The following PLA2G4A variants were observed in gnomAD, a reference collection of about 807,000 sequenced individuals.
PLA2G4A encodes the protein phospholipase A2 group IVA.
In PLA2G4A, 40 loss-of-function variants were observed where a neutral mutation model predicts 81.9. That is an observed-to-expected ratio of 0.49 (90% confidence interval 0.38 to 0.64). PLA2G4A has a LOEUF of 0.64. Ranked by LOEUF, PLA2G4A falls within the 30% of genes least tolerant of loss-of-function variation. The pLI, the probability that PLA2G4A is intolerant of heterozygous loss-of-function variation, is 0.00. For synonymous variants in PLA2G4A, 302 were observed against 296.9 expected (o/e 1.02, Z -0.18); for missense variants, 715 against 905.1 (o/e 0.79, Z 2.69).
At chr1:186,899,159 G>A (rs912249557) in intron 5 of PLA2G4A, among the ~76,000 whole-genome samples, 3 of 152,198 alleles carry the variant, frequency 2.0e-5, no homozygotes, top group Non-Finnish European at 4.4e-5. Context: ...GTGTAAAGGG[G>A]TCACAAAGGC....
chr1:186,920,077 T>G (rs1209686667), intron 7 of PLA2G4A, among the ~76,000 whole-genome samples: 1 of 152,228 alleles, frequency 6.6e-6, no homozygotes, highest in Admixed American at 6.5e-5. Context: ...AGGATTATCA[T>G]TTGCCCATAC....
chr1:186,937,251 AAAAGAGAG>A (rs1206460420), intron 8 of PLA2G4A, among the ~76,000 whole-genome samples: 2 of 125,352 alleles, frequency 1.6e-5, no homozygotes, highest in Non-Finnish European at 3.2e-5. Flanking sequence ...ATGAGACGGG[AAAAGAGAG>A]AGAGAGAGAG....
chr1:186,881,007 TA>T (rs1653710729), intron 3 of PLA2G4A, among the ~76,000 whole-genome samples: 2 of 152,064 alleles, frequency 1.3e-5, no homozygotes, highest in Non-Finnish European at 1.5e-5. Flanking sequence ...ATCTTTGCAA[TA>T]AATCATTTTT....
At chr1:186,966,958 T>C (rs1272116869) in intron 15 of PLA2G4A, among the ~76,000 whole-genome samples, 1 of 152,202 alleles carries the variant, frequency 6.6e-6, no homozygotes, top group African/African-American at 2.4e-5. Flanking sequence ...AATATGAGTA[T>C]GTAGGATTTT....
At chr1:186,904,846 G>T (rs1003348) in intron 5 of PLA2G4A, among the ~76,000 whole-genome samples, 145,836 of 152,094 alleles carry the variant, frequency 0.96, 69,959 homozygotes, top group East Asian at 1. Context: ...CAAACAGGCA[G>T]GGATATATAT....
chr1:186,893,918 C>CA (rs35114616), intron 4 of PLA2G4A, among the ~76,000 whole-genome samples, 180 bp from the exon 5 acceptor site: 40,114 of 117,930 alleles, frequency 0.34, 6,257 homozygotes, highest in Admixed American at 0.46. Context: ...GACCCTGTCT[C>CA]AAAAAAAAAA....
intron 7 of PLA2G4A, among the ~76,000 whole-genome samples, chr1:186,911,756 G>A (rs1433643446): frequency 2.0e-5 from 3 of 152,120 alleles, no homozygotes; most frequent in Non-Finnish European, 4.4e-5. Flanking sequence ...GATATACACA[G>A]TAGATATGAG....
At chr1:186,834,787 C>T (rs762148534) in intron 1 of PLA2G4A, among the ~76,000 whole-genome samples, 4 of 152,116 alleles carry the variant, frequency 2.6e-5, no homozygotes, top group South Asian at 2.1e-4. Flanking sequence ...TCAGGTTGGT[C>T]GTAGAGAATT....
intron 16 of PLA2G4A, among the ~76,000 whole-genome samples, 154 bp downstream of exon 16, chr1:186,977,942 G>A (rs911504927): frequency 3.3e-5 from 5 of 152,090 alleles, no homozygotes; most frequent in Admixed American, 1.3e-4. Flanking sequence ...GAGACCTCAA[G>A]TACTTCTCCT....
At chr1:186,924,123 T>C (rs1199403618) in intron 7 of PLA2G4A, among the ~76,000 whole-genome samples, 1 of 152,188 alleles carries the variant, frequency 6.6e-6, no homozygotes, top group African/African-American at 2.4e-5. Flanking sequence ...TTTTCCCAGA[T>C]CACTCTCAAC....
intron 7 of PLA2G4A, among the ~76,000 whole-genome samples, chr1:186,919,945 C>G (rs188899216): frequency 6.6e-6 from 1 of 152,142 alleles, no homozygotes; most frequent in Non-Finnish European, 1.5e-5. Flanking sequence ...TTTCAAGCAC[C>G]TGCGATGAAC....
intron 7 of PLA2G4A, among the ~76,000 whole-genome samples, chr1:186,930,381 G>A (rs969711417): frequency 6.6e-6 from 1 of 152,174 alleles, no homozygotes; most frequent in Non-Finnish European, 1.5e-5. Context: ...TAGTTTAATA[G>A]GAGGCTGTTT....
chr1:186,932,724 T>C lies in PLA2G4A; in HGVS notation c.559-39T>C, dbSNP rs12720587. On this transcript the variant is annotated intron_variant, in intron 7 of 17. Coordinates refer to ENST00000367466, the MANE Select transcript of PLA2G4A (RefSeq NM_024420.3). ...CTAAAGGGAACTGTATTTTATGATT[T>C]TTACTTTGTGTACAAATCTCTCTGT... 2.0e-4 allele frequency: 319 copies of C among 1,603,516 alleles called. 1 individual carries two copies. In the East Asian group the frequency reaches 6.5e-3, roughly 33 times the overall value.
At chr1:186,935,614 G>A (rs1023400769) in intron 8 of PLA2G4A, among the ~76,000 whole-genome samples, 3 of 151,884 alleles carry the variant, frequency 2.0e-5, no homozygotes, top group African/African-American at 7.2e-5. Context: ...TGTTAACCAG[G>A]GAAAGAAGAG....
intron 1 of PLA2G4A, among the ~76,000 whole-genome samples, chr1:186,848,389 C>CA (rs1477310995): frequency 1.3e-5 from 2 of 152,024 alleles, no homozygotes; most frequent in Admixed American, 6.6e-5. Context: ...AGGGTTTGAC[C>CA]ATAGGCAGGG....
chr1:186,893,992 A>C, intron 4 of PLA2G4A, 106 bp from the exon 5 acceptor site: 1 of 708,620 alleles, frequency 1.4e-6, no homozygotes, highest in East Asian at 2.7e-5. Flanking sequence ...GGACTCTTAA[A>C]TATCATTTGA....
intron 17 of PLA2G4A, 56 bp downstream of exon 17, chr1:186,979,528 A>G (rs1657647972): frequency 1.9e-6 from 2 of 1,055,058 alleles, no homozygotes; most frequent in East Asian, 2.4e-5. Context: ...CCGTATAAAT[A>G]CACCAATACC....
rs41264626 is a variant in PLA2G4A, at chr1:186,893,256, A to G, written c.264+97A>G. ...TACTGCCTTTTTGTTCCTGTTAGCT[A>G]TAGTTGGAGTTAGACTGGGCAGCTT... is the stretch of plus-strand genomic sequence containing the variant. On this transcript the variant is annotated intron_variant, in intron 4 of 17. Transcript: ENST00000367466. 1.1e-3 allele frequency: 1,193 copies of G among 1,044,710 alleles called. 2 individuals carry two copies. The highest frequency in any genetic ancestry group is 1.6e-3 in the South Asian group (126 of 79,194). 64.7% of individuals were successfully genotyped at this position (1,044,710 alleles called of 1,614,324 possible).
intron 3 of PLA2G4A, among the ~76,000 whole-genome samples, chr1:186,880,314 A>C (rs1433992110): frequency 6.6e-6 from 1 of 152,096 alleles, no homozygotes; most frequent in Non-Finnish European, 1.5e-5. Flanking sequence ...AAAGAAAATC[A>C]TAAGAACAAT....
Sources: gnomAD v4.1 joint callset for allele counts (sites outside exome capture counted in the v4.1 genomes callset) on GRCh38, gnomAD v4.1.1 for gene constraint, MANE v1.5 for transcripts, NCBI Gene and HGNC (gene_info 2026-07-23, HGNC 2026-07-21) for gene names.